The following ADCY3 variants were observed in gnomAD, a reference collection of about 807,000 sequenced individuals.
ADCY3 encodes adenylate cyclase type 3.
A neutral mutation model predicts 119.4 loss-of-function variants in ADCY3; 70 were observed. The observed-to-expected ratio is 0.59, with a 90% CI of 0.48 to 0.72. The LOEUF is 0.72. ADCY3 is among the 30% of genes least tolerant of loss of function. The pLI is 0.00. For missense variants in ADCY3, 1,238 were observed against 1,541.6 expected (o/e 0.80, Z 3.30); for synonymous variants, 672 against 621.4 (o/e 1.08, Z -1.21).
Position 24,841,697 on chromosome 2 carries a change from G to A in ADCY3, c.957-30C>T, listed in dbSNP as rs764903908. 1.6e-5 allele frequency: 25 copies of A among 1,566,148 alleles called. No individual in the cohort carries two copies. In the East Asian group the frequency reaches 4.5e-4, roughly 28 times the overall value. Reference sequence around the variant, plus strand: ...ATGAGGAAGGAACCGTGGGGGTGACGCTCCAGGCAGCCAGGTGTACCCGAC... The same window carrying A: ...ATGAGGAAGGAACCGTGGGGGTGACACTCCAGGCAGCCAGGTGTACCCGAC... On this transcript the variant is annotated intron_variant, in intron 4 of 21. Coordinates refer to ENST00000679454, the MANE Select transcript of ADCY3 (RefSeq NM_004036.5). This position sits in a 1 kb window ranked among gnomAD's most constrained non-coding sequence, Gnocchi z 5.8.
intron 2 of ADCY3, among the ~76,000 whole-genome samples, chr2:24,913,366 T>C (rs975100631): frequency 1.3e-5 from 2 of 152,216 alleles, no homozygotes; most frequent in African/African-American, 2.4e-5. Flanking sequence ...CCTCCTGTTA[T>C]ACCTTAGGGA....
At chr2:24,909,967 T>G (rs979281154) in intron 2 of ADCY3, among the ~76,000 whole-genome samples, 34 of 152,196 alleles carry the variant, frequency 2.2e-4, no homozygotes, top group African/African-American at 8.2e-4. Context: ...GAGACCACCA[T>G]GCTGTGAGGA....
intron 20 of ADCY3, 180 bp from the exon 21 acceptor site, chr2:24,821,028 TTGTTAGG>T (rs1423330512): frequency 2.2e-6 from 2 of 890,696 alleles, no homozygotes; most frequent in Non-Finnish European, 3.3e-6. Context: ...ATCCGTGTGC[TTGTTAGG>T]TGTCAGCCGC....
In ADCY3 at chr2:24,878,609, A is replaced by G. The variant is rs866496144; in HGVS notation, c.676-5890T>C. Among the ~76,000 whole-genome samples, 11 of 152,098 alleles carry G rather than the reference A, an allele frequency of 7.2e-5. No individual in the cohort carries two copies. The highest frequency in any genetic ancestry group is 9.7e-5 in the African/African-American group (4 of 41,410). On this transcript the variant is annotated intron_variant, in intron 2 of 21. Transcript: ENST00000679454. This position sits in a 1 kb window ranked among gnomAD's most constrained non-coding sequence, Gnocchi z 4.0. Reference sequence around the variant, plus strand: ...TCATTAAAACTTACTCAGATGCTTTAGGAAAAAGTCTCCTAGCAGCCATGG... The same window carrying G: ...TCATTAAAACTTACTCAGATGCTTTGGGAAAAAGTCTCCTAGCAGCCATGG...
chr2:24,885,182 C>T (rs764061994), intron 2 of ADCY3, among the ~76,000 whole-genome samples: 44 of 152,224 alleles, frequency 2.9e-4, no homozygotes, highest in Non-Finnish European at 5.0e-4. Flanking sequence ...GCACCACCTG[C>T]AGGTGCTCAC....
At position 24,902,018 on chromosome 2, in the gene ADCY3, G is replaced by A. The variant is rs181626861; in HGVS notation, c.675+16295C>T. On this transcript the variant is annotated intron_variant, in intron 2 of 21. Coordinates refer to ENST00000679454, the MANE Select transcript of ADCY3 (RefSeq NM_004036.5). Reference sequence around the variant, plus strand: ...TAAAACCTACTGAATTTTAGTAGATGGCACACATTTTAACTCTGTGTGTGT... The same window carrying A: ...TAAAACCTACTGAATTTTAGTAGATAGCACACATTTTAACTCTGTGTGTGT... Among the ~76,000 whole-genome samples, 3 of 148,866 alleles carry A rather than the reference G, an allele frequency of 2.0e-5. No individual in the cohort carries two copies. In the Admixed American group the frequency reaches 2.0e-4, roughly 10 times the overall value.
At chr2:24,823,974 C>T (rs1324131058) in intron 17 of ADCY3, among the ~76,000 whole-genome samples, 3 of 152,188 alleles carry the variant, frequency 2.0e-5, no homozygotes, top group African/African-American at 2.4e-5. Flanking sequence ...GGATTACAGG[C>T]ATGAGCCACT....
At chr2:24,820,142 G>T in intron 21 of ADCY3, 28 bp from the exon 22 acceptor site, 1 of 1,521,056 alleles carries the variant, frequency 6.6e-7, no homozygotes, top group South Asian at 1.3e-5. Flanking sequence ...GCAAGAACGT[G>T]GCGTTACGGG....
rs775619011 is a variant in ADCY3 at position 24,821,617 on chromosome 2, G to C, written c.3027C>G (p.Arg1009=). The stretch of plus-strand genomic sequence containing the variant: ...CGGCCAGGTCAGCCAGGTGCTGCCA[G>C]CGCTCTCTCTCGGACTTGTCTTCCT... ...SNKEDKSERE[R]WQHLADLADF... is the part of the protein sequence containing the mutation. The change falls in exon 20 of 22, where the codon CGC becomes CGG. Residue 1009 remains arginine, a synonymous_variant. Coordinates refer to ENST00000679454, the MANE Select transcript of ADCY3 (RefSeq NM_004036.5). 15 of 1,614,042 alleles carry C rather than the reference G, an allele frequency of 9.3e-6. No homozygotes were observed. Among genetic ancestry groups the C allele is most frequent in the Non-Finnish European group, 8.5e-7 (1 of 1,180,044 alleles).
At position 24,899,139 on chromosome 2, in the gene ADCY3, G is replaced by C. The variant is rs1349464256; in HGVS notation, c.675+19174C>G. ...CCCTAGGCAGAGCCACTAGGCAGTTGCCAACTGCCTAGGCAACTCCCTAGG... is the reference window on the plus strand; with the variant it reads ...CCCTAGGCAGAGCCACTAGGCAGTTCCCAACTGCCTAGGCAACTCCCTAGG... On this transcript the variant is annotated intron_variant, in intron 2 of 21. Transcript: ENST00000679454. The surrounding 1 kb of genome is among the most constrained non-coding windows in gnomAD (Gnocchi z 4.5). 1.3e-5 allele frequency among the ~76,000 whole-genome samples: 2 copies of C among 151,968 alleles called. No homozygotes were observed. Among genetic ancestry groups the C allele is most frequent in the Non-Finnish European group, 2.9e-5 (2 of 67,968 alleles).
At position 24,841,466 on chromosome 2, in the gene ADCY3, T is replaced by C. The variant is rs1671005643; in HGVS notation, c.1069-80A>G. The C allele has an allele frequency of 2.5e-6, 4 of 1,590,576 alleles. No homozygotes were observed. The highest frequency in any genetic ancestry group is 3.4e-6 in the Non-Finnish European group (4 of 1,166,736). On this transcript the variant is annotated intron_variant, in intron 5 of 21. Coordinates refer to ENST00000679454, the MANE Select transcript of ADCY3 (RefSeq NM_004036.5). This position sits in a 1 kb window ranked among gnomAD's most constrained non-coding sequence, Gnocchi z 5.8. ...GGCCAAGAAAGCAGAGGAAGGACAG[T>C]GGGAGAAAATCATGGGGCCGGGGAT...
chr2:24,888,837 C>G (rs144627561), intron 2 of ADCY3, among the ~76,000 whole-genome samples: 1 of 152,100 alleles, frequency 6.6e-6, no homozygotes, highest in African/African-American at 2.4e-5. Context: ...GGTGAGACCC[C>G]GTCTCTACTG....
At chr2:24,856,880 T>C (rs1673059753) in intron 3 of ADCY3, among the ~76,000 whole-genome samples, 1 of 152,208 alleles carries the variant, frequency 6.6e-6, no homozygotes, top group African/African-American at 2.4e-5. Context: ...CTTCACAGTC[T>C]TCAGCCAAAT....
intron 13 of ADCY3, among the ~76,000 whole-genome samples, chr2:24,829,922 T>A (rs570303419): frequency 1.3e-5 from 2 of 151,510 alleles, no homozygotes; most frequent in Admixed American, 1.3e-4. Context: ...CTGTCCCTTT[T>A]CCCCAAGAAA....
Position 24,918,583 on chromosome 2 carries a change from G to A in ADCY3, c.405C>T (p.Thr135=). The A allele has an allele frequency of 1.2e-6, 2 of 1,614,172 alleles. No homozygotes were observed. Among genetic ancestry groups the A allele is most frequent in the Non-Finnish European group, 1.7e-6 (2 of 1,180,038 alleles). Residue 135 remains threonine (T), a synonymous_variant, in exon 2 of 22, where the codon ACC becomes ACT. Transcript: ENST00000679454. This position sits in a 1 kb window ranked among gnomAD's most constrained non-coding sequence, Gnocchi z 5.4. ...CKKGLLPDRV[T]RRVLPYVLWL... ...ACAGCACGTAGGGCAGCACTCTGCGGGTGACCCGGTCCGGGAGCAGCCCCT... is the reference window on the plus strand; with the variant it reads ...ACAGCACGTAGGGCAGCACTCTGCGAGTGACCCGGTCCGGGAGCAGCCCCT...
chr2:24,822,633 G>T lies in ADCY3; in HGVS notation c.2884-3C>A, dbSNP rs755754493. 1 of 1,613,870 alleles carries T rather than the reference G, an allele frequency of 6.2e-7. No homozygotes were observed. The highest frequency in any genetic ancestry group is 8.5e-7 in the Non-Finnish European group (1 of 1,179,794). ...CGGAACTTGGGATTGTCCAGGAGCT[G>T]AGGCCAGGATTCAGGAAAGAATTGT... On this transcript the variant is annotated splice_polypyrimidine_tract_variant and splice_region_variant and intron_variant, in intron 18 of 21. Transcript: ENST00000679454.
rs751998601 is a variant in ADCY3, at chr2:24,918,383, G to A, written c.605C>T (p.Thr202Met). 1.9e-6 allele frequency: 3 copies of A among 1,612,952 alleles called. No homozygotes were observed. Among genetic ancestry groups the A allele is most frequent in the East Asian group, 2.2e-5 (1 of 44,858 alleles). Residue 202 changes from threonine (T) to methionine (M), a missense_variant, in exon 2 of 22, where the codon ACG becomes ATG. Transcript: ENST00000679454. The surrounding 1 kb of genome is among the most constrained non-coding windows in gnomAD (Gnocchi z 5.4). The part of the protein sequence containing the change: ...IISVVSCVVH[T>M]LVLGVTVAQQ... ...GGCCACGGTGACCCCCAGGACCAAC[G>A]TGTGCACCACACAGGAGACCACGGA... is the stretch of plus-strand genomic sequence containing the variant.
rs1434659954 is a variant in ADCY3, at chr2:24,872,744, A to T, written c.676-25T>A. 6.2e-7 allele frequency: 1 copy of T among 1,609,924 alleles called. No homozygotes were observed. The highest frequency in any genetic ancestry group is 8.5e-7 in the Non-Finnish European group (1 of 1,176,862). ...TCTGCACCCCAAGGAAGAAGAGAGA[A>T]AAGGCCAGGGGTGAAGGCACGTCTT... On this transcript the variant is annotated intron_variant, in intron 2 of 21. Coordinates refer to ENST00000679454, the MANE Select transcript of ADCY3 (RefSeq NM_004036.5). The surrounding 1 kb of genome is among the most constrained non-coding windows in gnomAD (Gnocchi z 4.4).
intron 2 of ADCY3, among the ~76,000 whole-genome samples, chr2:24,895,716 G>A (rs1046806810): frequency 3.3e-5 from 5 of 150,812 alleles, no homozygotes; most frequent in East Asian, 2.0e-4. Context: ...AACCTATGCC[G>A]TTGAGCTCAT....
Sources: allele counts gnomAD v4.1 joint callset (sites outside exome capture counted in the v4.1 genomes callset), GRCh38; gene constraint gnomAD v4.1.1; non-coding constraint Gnocchi (gnomAD v3.1); transcripts MANE v1.5; gene names NCBI Gene and HGNC (gene_info 2026-07-23, HGNC 2026-07-21).